The following SAMD12 variants were observed in gnomAD, a reference collection of about 807,000 sequenced individuals.
SAMD12 encodes sterile alpha motif domain containing 12, also known as sterile alpha motif domain-containing protein 12.
A neutral mutation model predicts 15.0 loss-of-function variants in SAMD12; 9 were observed. The ratio of observed to expected loss-of-function variants is 0.60; its 90% CI spans 0.36 to 1.05. The LOEUF is 1.05. Ranked by LOEUF, SAMD12 falls within the 50% of genes least tolerant of loss-of-function variation. SAMD12 has a pLI of 0.01. For synonymous variants in SAMD12, 86 were observed against 90.1 expected (o/e 0.96, Z 0.25); for missense variants, 230 against 234.2 (o/e 0.98, Z 0.12).
At chr8:118,148,118 C>T in the SAMD12 span, among the ~76,000 whole-genome samples, 16 of 151,256 alleles carry the variant, frequency 1.1e-4, no homozygotes, top group East Asian at 9.7e-4. Context: ...TTGGTAGAGA[C>T]GGGGTGTCAC....
At chr8:118,250,730 C>T (rs2514978) in intron 4 of SAMD12, among the ~76,000 whole-genome samples, 46,821 of 151,394 alleles carry the variant, frequency 0.31, 8,500 homozygotes, top group East Asian at 0.63. Flanking sequence ...ATCTTGAATT[C>T]CTAGCCTCAA....
chr8:118,148,470 A>G, the SAMD12 span, among the ~76,000 whole-genome samples: 2 of 152,208 alleles, frequency 1.3e-5, no homozygotes, highest in East Asian at 1.9e-4. Context: ...ATTTTTAGTG[A>G]AAAAAGTGGA....
the SAMD12 span, among the ~76,000 whole-genome samples, chr8:118,180,600 TCTCA>T: frequency 1.3e-5 from 2 of 151,946 alleles, no homozygotes; most frequent in Non-Finnish European, 2.9e-5. Flanking sequence ...TGAGACAGGG[TCTCA>T]CTCTGTTGAC....
chr8:118,500,734 A>C (rs1412063062), intron 2 of SAMD12, among the ~76,000 whole-genome samples: 2 of 152,140 alleles, frequency 1.3e-5, no homozygotes, highest in Non-Finnish European at 2.9e-5. Flanking sequence ...TGAACCCAGG[A>C]GGCAGAGATT....
chr8:118,344,130 CAG>C, intron 4 of SAMD12, among the ~76,000 whole-genome samples: 1 of 152,278 alleles, frequency 6.6e-6, no homozygotes, highest in East Asian at 1.9e-4. Flanking sequence ...TGCCCTTGTG[CAG>C]AGGAAGCCCT....
the SAMD12 span, among the ~76,000 whole-genome samples, chr8:118,151,798 C>T: frequency 6.7e-5 from 10 of 149,224 alleles, no homozygotes; most frequent in South Asian, 4.2e-4. Flanking sequence ...CCACTGCACT[C>T]TAGCCTGGGT....
chr8:118,270,335 G>A (rs993683967), intron 4 of SAMD12, among the ~76,000 whole-genome samples: 3 of 152,068 alleles, frequency 2.0e-5, no homozygotes, highest in Non-Finnish European at 2.9e-5. Flanking sequence ...AAAATAAAAC[G>A]ACTTTTCTTT....
At chr8:118,144,401 G>A in the SAMD12 span, among the ~76,000 whole-genome samples, 5 of 152,104 alleles carry the variant, frequency 3.3e-5, no homozygotes, top group African/African-American at 4.8e-5. Context: ...CACTGAGAGA[G>A]TTCATGGGGG....
intron 4 of SAMD12, among the ~76,000 whole-genome samples, chr8:118,355,221 T>C (rs1449652596): frequency 6.6e-6 from 1 of 152,212 alleles, no homozygotes; most frequent in African/African-American, 2.4e-5. Flanking sequence ...TAAAAAGGAA[T>C]GAATTAATGG....
At chr8:118,352,450 A>C (rs1418256920) in intron 4 of SAMD12, among the ~76,000 whole-genome samples, 1 of 152,162 alleles carries the variant, frequency 6.6e-6, no homozygotes, top group Non-Finnish European at 1.5e-5. Flanking sequence ...GGCTATGCTT[A>C]GGTGGTTCAG....
chr8:118,147,021 G>A, the SAMD12 span, among the ~76,000 whole-genome samples: 1 of 129,444 alleles, frequency 7.7e-6, no homozygotes, highest in Non-Finnish European at 1.7e-5. Flanking sequence ...TTGTACCTAA[G>A]AGGCAGGAAC....
intron 2 of SAMD12, among the ~76,000 whole-genome samples, chr8:118,502,580 G>A (rs541095868): frequency 6.6e-6 from 1 of 152,186 alleles, no homozygotes; most frequent in South Asian, 2.1e-4. Flanking sequence ...AGTCTCCAGT[G>A]GATACAAACC....
intron 4 of SAMD12, among the ~76,000 whole-genome samples, chr8:118,281,826 C>A (rs895145700): frequency 6.6e-6 from 1 of 152,168 alleles, no homozygotes; most frequent in African/African-American, 2.4e-5. Flanking sequence ...GTCCTTTACC[C>A]TCTCCAAAAT....
chr8:118,503,962 C>A (rs753045188), intron 2 of SAMD12, among the ~76,000 whole-genome samples: 2 of 152,152 alleles, frequency 1.3e-5, no homozygotes, highest in Non-Finnish European at 2.9e-5. Context: ...TTTGGGGTAT[C>A]TCAAAGGCTA....
At chr8:118,248,478 G>A (rs17455092) in intron 4 of SAMD12, among the ~76,000 whole-genome samples, 4 of 152,100 alleles carry the variant, frequency 2.6e-5, no homozygotes, top group Admixed American at 2.6e-4. Context: ...GTGGTGTTGA[G>A]AAGAATGCTA....
intron 4 of SAMD12, among the ~76,000 whole-genome samples, chr8:118,223,721 A>T (rs938345730): frequency 6.6e-6 from 1 of 152,230 alleles, no homozygotes; most frequent in African/African-American, 2.4e-5. Flanking sequence ...ATATAAAAGC[A>T]ATAATGTGCC....
intron 2 of SAMD12, among the ~76,000 whole-genome samples, chr8:118,503,486 C>G (rs1824842065): frequency 1.3e-5 from 2 of 152,204 alleles, no homozygotes; most frequent in Admixed American, 1.3e-4. Context: ...AAGGTTCATC[C>G]CGCCAAGCCC....
chr8:118,260,598 T>A lies in SAMD12; in HGVS notation c.434-62866A>T, dbSNP rs28370864. Among the ~76,000 whole-genome samples, 734 of 152,184 alleles carry A rather than the reference T, an allele frequency of 4.8e-3. 7 individuals are homozygous for A. Among genetic ancestry groups the A allele is most frequent in the African/African-American group, 0.017 (694 of 41,538 alleles). On this transcript the variant is annotated intron_variant, in intron 4 of 4. Coordinates refer to the SAMD12 transcript ENST00000409003. ...GCCCTGGAGGCCTGACCTCTGTGAA[T>A]TGTACTAATGATTACCCTTTCCTTC...
At chr8:118,362,600 T>C (rs1233212952) in intron 4 of SAMD12, among the ~76,000 whole-genome samples, 2 of 152,214 alleles carry the variant, frequency 1.3e-5, no homozygotes, top group Non-Finnish European at 2.9e-5. Context: ...CAATGTTTAA[T>C]AGTTTTTAGG....
Sources: gnomAD v4.1 joint callset for allele counts (sites outside exome capture counted in the v4.1 genomes callset) on GRCh38, gnomAD v4.1.1 for gene constraint, MANE v1.5 for transcripts, NCBI Gene and HGNC (gene_info 2026-07-23, HGNC 2026-07-21) for gene names.